Variants in TECRL observed in about 807,000 individuals in gnomAD.
TECRL encodes trans-2,3-enoyl-CoA reductase-like.
Under a neutral mutation model 52.8 loss-of-function variants are expected in TECRL, and 63 were observed. The observed-to-expected ratio is 1.19, with a 90% CI of 0.97 to 1.47. The LOEUF (loss-of-function observed/expected upper bound fraction) is 1.47. Ranked by LOEUF, TECRL falls within the 40% of genes most tolerant of loss-of-function variation. The pLI is 0.00. For synonymous variants in TECRL, 164 were observed against 141.9 expected (o/e 1.16, Z -1.10); for missense variants, 482 against 429.6 (o/e 1.12, Z -1.08).
intron 8 of TECRL, among the ~76,000 whole-genome samples, chr4:64,290,060 A>G (rs1242220240): frequency 6.6e-6 from 1 of 152,188 alleles, no homozygotes; most frequent in African/African-American, 2.4e-5. Context: ...ACTTGTTACT[A>G]TGGGGAGACT....
rs878973618 is a variant in TECRL at position 64,375,280 on chromosome 4, C to T, written c.235-57G>A. 7.4e-6 allele frequency: 7 copies of T among 952,072 alleles called. No individual in the cohort carries two copies. The South Asian group carries it at 1.4e-4, about 19-fold the overall frequency. The allele number at this position is 952,072 out of a possible 1,614,324, so 59.0% of individuals were successfully genotyped here. A position where few individuals can be genotyped will look rare whatever the true frequency, so the allele number is the denominator to read the frequency against. On this transcript the variant is annotated intron_variant, in intron 1 of 11. Coordinates refer to ENST00000381210, the MANE Select transcript of TECRL (RefSeq NM_001010874.5). ...AAAAACTGTTAATTTGTTTTCTATC[C>T]ATTTAAGAAAAAAAAGTTTAAATAT...
At chr4:64,338,106 A>G (rs112672782) in intron 2 of TECRL, among the ~76,000 whole-genome samples, 93,099 of 151,918 alleles carry the variant, frequency 0.61, 31,853 homozygotes, top group Non-Finnish European at 0.76. Context: ...GGAACAGAAC[A>G]GAGCCCTCAG....
Position 64,281,677 on chromosome 4 carries a change from T to C in TECRL, c.833-118A>G, listed in dbSNP as rs1045702516. ...GTGTACCACATGAAATGTCATCACG[T>C]ATTTATAGTAACCTATTTTGCAAAT... On this transcript the variant is annotated intron_variant, in intron 9 of 11. Coordinates refer to ENST00000381210, the MANE Select transcript of TECRL (RefSeq NM_001010874.5). 6 of 570,494 alleles carry C rather than the reference T, an allele frequency of 1.1e-5. No individual in the cohort carries two copies. The Admixed American group carries it at 2.1e-4, about 20-fold the overall frequency. 35.3% of individuals were successfully genotyped at this position (570,494 alleles called of 1,614,324 possible).
rs576618768 is a variant in TECRL at position 64,287,053 on chromosome 4, G to T, written c.832+2657C>A. Among the ~76,000 whole-genome samples, 9 of 152,112 alleles carry T rather than the reference G, an allele frequency of 5.9e-5. No homozygotes were observed. In the East Asian group the frequency reaches 1.7e-3, roughly 29 times the overall value. The stretch of plus-strand genomic sequence containing the variant: ...AAAATTCAATGTATCTGTGAATTTG[G>T]ATCAGATAAAAATGGCATTCAATCT... On this transcript the variant is annotated intron_variant, in intron 9 of 11. Coordinates refer to ENST00000381210, the MANE Select transcript of TECRL (RefSeq NM_001010874.5).
intron 11 of TECRL, among the ~76,000 whole-genome samples, chr4:64,280,447 A>G (rs928291284): frequency 4.6e-5 from 7 of 152,154 alleles, no homozygotes; most frequent in African/African-American, 1.7e-4. Flanking sequence ...GCCACAAAAT[A>G]TTCCCAAATA....
At chr4:64,305,120 G>T (rs748538464) in intron 7 of TECRL, 46 bp downstream of exon 7, 2 of 1,371,094 alleles carry the variant, frequency 1.5e-6, no homozygotes, top group East Asian at 2.3e-5. Context: ...AGAGTTTTTA[G>T]GTTGGTCCTT....
At position 64,278,365 on chromosome 4, in the gene TECRL, T is replaced by C; in HGVS notation, c.*1707A>G. 4.5e-6 allele frequency: 1 copy of C among 220,874 alleles called. No homozygotes were observed. The highest frequency in any genetic ancestry group is 7.6e-6 in the Non-Finnish European group (1 of 131,164). The allele number at this position is 220,874 out of a possible 1,614,324, so 13.7% of individuals were successfully genotyped here. On this transcript the variant is annotated 3_prime_UTR_variant, in exon 12 of 12. Coordinates refer to ENST00000381210, the MANE Select transcript of TECRL (RefSeq NM_001010874.5). ...ACCTATGACACATCTCACTAACAGA[T>C]TGAACAATAAAAGAATTAAATTATT...
intron 2 of TECRL, among the ~76,000 whole-genome samples, chr4:64,366,897 G>A (rs1254648157): frequency 7.4e-5 from 2 of 27,110 alleles, no homozygotes; most frequent in Non-Finnish European, 1.5e-4. Flanking sequence ...GTATATGCCT[G>A]AAGGAATATG....
chr4:64,308,951 T>C (rs1434672905), intron 6 of TECRL, among the ~76,000 whole-genome samples: 3 of 152,210 alleles, frequency 2.0e-5, no homozygotes, highest in African/African-American at 7.2e-5. Context: ...CTAATATTTT[T>C]CTAACAATTA....
At chr4:64,341,036 G>A (rs978176078) in intron 2 of TECRL, among the ~76,000 whole-genome samples, 1 of 152,104 alleles carries the variant, frequency 6.6e-6, no homozygotes, top group African/African-American at 2.4e-5. Flanking sequence ...CCTCTCTGCT[G>A]AGAGCTGCAG....
At chr4:64,281,599 T>C in intron 9 of TECRL, 40 bp from the exon 10 acceptor site, 1 of 1,107,128 alleles carries the variant, frequency 9.0e-7, no homozygotes, top group Non-Finnish European at 1.3e-6. Flanking sequence ...ATGCTACACA[T>C]TGCAAATCTG....
chr4:64,403,641 C>A (rs1350089110), intron 1 of TECRL, among the ~76,000 whole-genome samples: 2 of 151,854 alleles, frequency 1.3e-5, no homozygotes, highest in Non-Finnish European at 2.9e-5. Flanking sequence ...GTCAGAGATA[C>A]CAGACCATGC....
intron 4 of TECRL, among the ~76,000 whole-genome samples, chr4:64,320,320 G>C (rs1190682782): frequency 2.6e-5 from 4 of 151,680 alleles, no homozygotes; most frequent in African/African-American, 9.7e-5. Flanking sequence ...TTTATTATAG[G>C]AACAAATTTT....
chr4:64,311,029 C>T (rs772284695), intron 5 of TECRL, among the ~76,000 whole-genome samples: 1 of 152,150 alleles, frequency 6.6e-6, no homozygotes, highest in Non-Finnish European at 1.5e-5. Context: ...TGATGACATA[C>T]TTTAACCAGT....
chr4:64,331,418 T>A (rs1365251516), intron 2 of TECRL, among the ~76,000 whole-genome samples: 1 of 152,066 alleles, frequency 6.6e-6, no homozygotes, highest in African/African-American at 2.4e-5. Flanking sequence ...GGACTATGCA[T>A]TCAGTTTAGG....
chr4:64,322,505 G>T (rs1056845535), intron 4 of TECRL, among the ~76,000 whole-genome samples, 184 bp downstream of exon 4: 9 of 148,560 alleles, frequency 6.1e-5, no homozygotes, highest in Non-Finnish European at 1.2e-4. Flanking sequence ...CAAAACTGTG[G>T]TTTTTCTATT....
intron 7 of TECRL, among the ~76,000 whole-genome samples, chr4:64,303,391 A>G (rs958909398): frequency 6.6e-6 from 1 of 151,678 alleles, no homozygotes; most frequent in African/African-American, 2.4e-5. Context: ...AAAACTCAAG[A>G]TAAAGATGAT....
chr4:64,283,069 G>A (rs1027555698), intron 9 of TECRL, among the ~76,000 whole-genome samples: 2 of 151,812 alleles, frequency 1.3e-5, no homozygotes, highest in African/African-American at 4.8e-5. Flanking sequence ...CCTCACCCAA[G>A]GTCACACTCA....
chr4:64,331,307 T>C (rs1718623551), intron 2 of TECRL, among the ~76,000 whole-genome samples: 1 of 152,134 alleles, frequency 6.6e-6, no homozygotes, highest in Admixed American at 6.6e-5. Context: ...TGTCAGGTTT[T>C]TGGAACACTC....
Sources: gnomAD v4.1 joint callset for allele counts (sites outside exome capture counted in the v4.1 genomes callset) on GRCh38, gnomAD v4.1.1 for gene constraint, MANE v1.5 for transcripts, NCBI Gene and HGNC (gene_info 2026-07-23, HGNC 2026-07-21) for gene names.